The following MCC variants were observed in gnomAD, a reference collection of about 807,000 sequenced individuals.
MCC encodes colorectal mutant cancer protein.
MCC carries 90 observed loss-of-function variants against 116.2 expected under a neutral mutation model. The observed-to-expected ratio is 0.77, with a 90% CI of 0.65 to 0.92. The LOEUF (loss-of-function observed/expected upper bound fraction) is 0.92, where lower values mean the gene tolerates loss of function less well. Among genes scored for constraint, MCC ranks in the 40% least tolerant of loss-of-function variants. The probability of loss-of-function intolerance (pLI) is 0.00; values close to 1 mark genes in which losing one functional copy is unlikely to be tolerated. For synonymous variants in MCC, 578 were observed against 510.5 expected, an observed-to-expected ratio of 1.13 and a Z score of -1.78; for missense variants, 1,516 against 1,312.2, an observed-to-expected ratio of 1.16 and a Z score of -2.40.
chr5:113,313,041 T>C (rs1026837499), intron 3 of MCC, among the ~76,000 whole-genome samples: 3 of 152,036 alleles, frequency 2.0e-5, no homozygotes, highest in Non-Finnish European at 4.4e-5. Flanking sequence ...ATATGAGCAA[T>C]GTGCTTTAAA....
chr5:113,196,069 G>C (rs559008011), intron 3 of MCC, among the ~76,000 whole-genome samples: 4 of 152,188 alleles, frequency 2.6e-5, no homozygotes, highest in African/African-American at 9.7e-5. Flanking sequence ...CATTCTTTTC[G>C]ATTGTTTACT....
At chr5:113,422,444 T>C (rs1770366878) in intron 1 of MCC, among the ~76,000 whole-genome samples, 1 of 152,268 alleles carries the variant, frequency 6.6e-6, no homozygotes, top group African/African-American at 2.4e-5. Flanking sequence ...TTTTTGTCTT[T>C]TTAATTGACT....
chr5:113,073,196 G>A (rs6878846), intron 11 of MCC, among the ~76,000 whole-genome samples: 1 of 151,700 alleles, frequency 6.6e-6, no homozygotes, highest in Admixed American at 6.6e-5. Context: ...GGACACCCCT[G>A]CACTAGACCC....
intron 3 of MCC, among the ~76,000 whole-genome samples, chr5:113,228,428 G>C (rs1399344321): frequency 5.3e-5 from 8 of 152,146 alleles, no homozygotes; most frequent in Non-Finnish European, 1.2e-4. Context: ...AGCTCCAAAC[G>C]GCCTCAATGT....
chr5:113,112,701 A>G (rs1581088019), intron 6 of MCC, among the ~76,000 whole-genome samples: 1 of 152,314 alleles, frequency 6.6e-6, no homozygotes, highest in East Asian at 1.9e-4. Flanking sequence ...CATTCATTCA[A>G]CAGTGTGTTT....
chr5:113,379,465 C>T (rs529800709), intron 2 of MCC, among the ~76,000 whole-genome samples: 4 of 152,102 alleles, frequency 2.6e-5, no homozygotes, highest in Non-Finnish European at 4.4e-5. Flanking sequence ...TTTGTGTTAC[C>T]GCTTTATCTT....
At chr5:113,442,984 T>C (rs1225241706) in intron 1 of MCC, among the ~76,000 whole-genome samples, 1 of 152,238 alleles carries the variant, frequency 6.6e-6, no homozygotes, top group Non-Finnish European at 1.5e-5. Context: ...CTATGCAAGG[T>C]CTTTTTTGGT....
intron 4 of MCC, among the ~76,000 whole-genome samples, chr5:113,150,111 A>T (rs1406962737): frequency 6.6e-6 from 1 of 151,964 alleles, no homozygotes; most frequent in Non-Finnish European, 1.5e-5. Context: ...GAGTGGAAAC[A>T]AAATTGAACA....
At chr5:113,294,450 A>G in intron 3 of MCC, 1 of 1,611,180 alleles carries the variant, frequency 6.2e-7, no homozygotes, top group Non-Finnish European at 8.5e-7. Flanking sequence ...TGGACTTCAC[A>G]GGCTCAATAT....
intron 3 of MCC, among the ~76,000 whole-genome samples, chr5:113,174,952 A>C (rs1338177108): frequency 6.6e-6 from 1 of 152,172 alleles, no homozygotes; most frequent in Non-Finnish European, 1.5e-5. Flanking sequence ...TTTTATGAGA[A>C]AATGTTCACC....
At chr5:113,129,758 A>G (rs1231537607) in intron 5 of MCC, among the ~76,000 whole-genome samples, 1 of 152,268 alleles carries the variant, frequency 6.6e-6, no homozygotes, top group Non-Finnish European at 1.5e-5. Flanking sequence ...TGGTCATTAA[A>G]GAAATGCAAA....
At chr5:113,280,275 C>T (rs1367128415) in intron 3 of MCC, among the ~76,000 whole-genome samples, 2 of 152,184 alleles carry the variant, frequency 1.3e-5, no homozygotes, top group African/African-American at 4.8e-5. Context: ...GTGGTGGGTT[C>T]CAGGGGCTCA....
intron 1 of MCC, among the ~76,000 whole-genome samples, chr5:113,459,319 CGAGGTCAGGA>C (rs937544585): frequency 6.6e-6 from 1 of 151,774 alleles, no homozygotes; most frequent in Non-Finnish European, 1.5e-5. Context: ...GGGTGGATCA[CGAGGTCAGGA>C]GATCGAGACC....
chr5:113,053,676 G>C (rs769908569), intron 15 of MCC, 49 bp downstream of exon 15: 3 of 1,397,278 alleles, frequency 2.1e-6, no homozygotes, highest in Non-Finnish European at 3.0e-6. Context: ...AGGTTGTTTA[G>C]ATTTCCTCCT....
At position 113,166,726 on chromosome 5, in the gene MCC, C is replaced by A. The variant is rs1053654841; in HGVS notation, c.628-15304G>T. Among the ~76,000 whole-genome samples the A allele has an allele frequency of 1.5e-3, 193 of 131,084 alleles. 2 individuals carry two copies. Among genetic ancestry groups the A allele is most frequent in the African/African-American group, 4.9e-3 (170 of 34,640 alleles). The allele number at this position is 131,084 out of a possible 152,430, so 86.0% of individuals were successfully genotyped here. A position where few individuals can be genotyped will look rare whatever the true frequency, so the allele number is the denominator to read the frequency against. ...TATTTAAAAAAAAAAAAAAAAACAA[C>A]CAAAAAACCAAAAAAACAAAGCTTA... is the stretch of plus-strand genomic sequence containing the variant. On this transcript the variant is annotated intron_variant, in intron 3 of 18. Transcript: ENST00000408903.
In MCC at chr5:113,084,163, T is replaced by C. The variant is rs754564794; in HGVS notation, c.1573A>G (p.Thr525Ala). Reference sequence around the variant, plus strand: ...TCAGATGATGACGATTCGGACCTTGTCTTTGATAGCTTCACCCTCTCAGCA... The same window carrying C: ...TCAGATGATGACGATTCGGACCTTGCCTTTGATAGCTTCACCCTCTCAGCA... ...KIAERVKLSK[T>A]RSESSSSDRP... Residue 525 changes from threonine to alanine, a missense_variant, in exon 10 of 19, where the codon ACA becomes GCA. Coordinates refer to ENST00000408903, the MANE Select transcript of MCC (RefSeq NM_001085377.2). 2.5e-6 allele frequency: 4 copies of C among 1,614,180 alleles called. No individual in the cohort carries two copies. The highest frequency in any genetic ancestry group is 2.2e-5 in the South Asian group (2 of 91,082).
intron 3 of MCC, among the ~76,000 whole-genome samples, chr5:113,273,150 G>A (rs1330264993): frequency 6.6e-6 from 1 of 152,196 alleles, no homozygotes; most frequent in African/African-American, 2.4e-5. Context: ...GTACTGAGGG[G>A]CTGAAGGTGA....
intron 1 of MCC, among the ~76,000 whole-genome samples, chr5:113,463,501 T>C (rs1185114765): frequency 6.6e-6 from 1 of 151,844 alleles, no homozygotes; most frequent in Non-Finnish European, 1.5e-5. Context: ...AACATGGGAG[T>C]TCATGGAAAA....
At chr5:113,332,416 AAGGAT>A (rs1767720828) in intron 3 of MCC, among the ~76,000 whole-genome samples, 1 of 151,470 alleles carries the variant, frequency 6.6e-6, no homozygotes, top group Admixed American at 6.6e-5. Flanking sequence ...TGATTTAAAG[AAGGAT>A]AGAAGAGGCC....
Sources: allele counts gnomAD v4.1 joint callset (sites outside exome capture counted in the v4.1 genomes callset), GRCh38; gene constraint gnomAD v4.1.1; transcripts MANE v1.5; gene names NCBI Gene and HGNC (gene_info 2026-07-23, HGNC 2026-07-21).